The following MAF variants were observed in gnomAD, a reference collection of about 807,000 sequenced individuals.
MAF encodes the protein MAF bZIP transcription factor.
MAF carries 10 observed loss-of-function variants against 22.0 expected under a neutral mutation model. The ratio of observed to expected loss-of-function variants is 0.45; its 90% confidence interval spans 0.28 to 0.77. The LOEUF (loss-of-function observed/expected upper bound fraction) is 0.77. Among genes scored for constraint, MAF ranks in the 30% least tolerant of loss-of-function variants. MAF has a pLI of 0.12. For synonymous variants in MAF, 337 were observed against 255.8 expected, an observed-to-expected ratio of 1.32 and a Z score of -3.03; for missense variants, 544 against 548.4, an observed-to-expected ratio of 0.99 and a Z score of 0.08.
the MAF span, among the ~76,000 whole-genome samples, chr16:79,464,658 G>A: frequency 6.6e-6 from 1 of 152,160 alleles, no homozygotes; most frequent in Non-Finnish European, 1.5e-5. Context: ...CCTGGCAAAT[G>A]ACATAACTGA....
the MAF span, among the ~76,000 whole-genome samples, chr16:79,567,888 T>C: frequency 1.3e-5 from 2 of 152,246 alleles, no homozygotes; most frequent in Non-Finnish European, 2.9e-5. Context: ...AAGGTGAATT[T>C]TCTCCTGCGT....
the MAF span, among the ~76,000 whole-genome samples, chr16:79,414,030 C>T: frequency 6.6e-6 from 1 of 152,160 alleles, no homozygotes; most frequent in Non-Finnish European, 1.5e-5. Flanking sequence ...CAAATCCATC[C>T]TTCCTGTACC....
At chr16:79,423,191 G>C in the MAF span, among the ~76,000 whole-genome samples, 2 of 152,194 alleles carry the variant, frequency 1.3e-5, no homozygotes, top group South Asian at 2.1e-4. Flanking sequence ...TACCTATACC[G>C]CAAGAGTTAT....
the MAF span, among the ~76,000 whole-genome samples, chr16:79,565,861 G>C: frequency 6.6e-6 from 1 of 152,200 alleles, no homozygotes; most frequent in South Asian, 2.1e-4. Context: ...GAGGTAGGCA[G>C]TATTTTCTCC....
the MAF span, among the ~76,000 whole-genome samples, chr16:79,429,156 G>C: frequency 7.2e-5 from 11 of 152,264 alleles, no homozygotes; most frequent in Admixed American, 3.9e-4. Context: ...GCTACCTTGA[G>C]GACTGACTCA....
the MAF span, among the ~76,000 whole-genome samples, chr16:79,463,482 C>T: frequency 6.6e-6 from 1 of 152,160 alleles, no homozygotes; most frequent in Admixed American, 6.5e-5. Flanking sequence ...CTGTGGCAAA[C>T]CTGTGCTATA....
the MAF span, among the ~76,000 whole-genome samples, chr16:79,515,633 T>C: frequency 6.6e-6 from 1 of 152,202 alleles, no homozygotes; most frequent in Non-Finnish European, 1.5e-5. Context: ...TAGCCCCATC[T>C]TAAGTTGAGA....
At chr16:79,493,647 C>G in the MAF span, among the ~76,000 whole-genome samples, 1 of 152,214 alleles carries the variant, frequency 6.6e-6, no homozygotes, top group Non-Finnish European at 1.5e-5. Context: ...AATGAAAATC[C>G]ATTGACCTGT....
downstream of MAF, among the ~76,000 whole-genome samples, chr16:79,593,341 C>A (rs936074254): frequency 2.0e-5 from 3 of 152,198 alleles, no homozygotes; most frequent in South Asian, 6.2e-4. Flanking sequence ...GGGAATGCAG[C>A]TACCGAGACA....
chr16:79,557,581 T>A, the MAF span, among the ~76,000 whole-genome samples: 1 of 152,080 alleles, frequency 6.6e-6, no homozygotes, highest in Non-Finnish European at 1.5e-5. Context: ...CCCTAAAGAC[T>A]CAGCTTCCTC....
chr16:79,299,644 C>G, the MAF span, among the ~76,000 whole-genome samples: 3 of 152,236 alleles, frequency 2.0e-5, no homozygotes, highest in African/African-American at 7.2e-5. Flanking sequence ...CCTGGAGGGC[C>G]CCTGAGACCA....
chr16:79,287,527 G>T, the MAF span, among the ~76,000 whole-genome samples: 1 of 152,174 alleles, frequency 6.6e-6, no homozygotes, highest in African/African-American at 2.4e-5. Flanking sequence ...CCCAAACCCT[G>T]AGTCCTGCCA....
the MAF span, among the ~76,000 whole-genome samples, chr16:79,407,968 G>A: frequency 1.4e-4 from 20 of 147,770 alleles, no homozygotes; most frequent in African/African-American, 5.0e-4. Context: ...TCCTAAGAGA[G>A]GAAATTCCTT....
the MAF span, among the ~76,000 whole-genome samples, chr16:79,483,027 C>CCCCTCCTTCCCTTTGTCTCTCCTT: frequency 0.45 from 3,311 of 7,402 alleles, 1,262 homozygotes; most frequent in East Asian, 0.62. Flanking sequence ...TCTCTTCCCT[C>CCCCTCCTTCCCTTTGTCTCTCCTT]CCCTCCCTCC....
the MAF span, among the ~76,000 whole-genome samples, chr16:79,213,116 C>G: frequency 6.6e-6 from 1 of 152,188 alleles, no homozygotes; most frequent in East Asian, 1.9e-4. Context: ...ACCATGATTT[C>G]CAGCCCGTTC....
At chr16:79,474,239 T>C in the MAF span, among the ~76,000 whole-genome samples, 5 of 152,342 alleles carry the variant, frequency 3.3e-5, no homozygotes, top group East Asian at 9.6e-4. Flanking sequence ...AAAATGATCC[T>C]GCTGGAAACC....
chr16:79,413,555 T>C, the MAF span, among the ~76,000 whole-genome samples: 2 of 152,020 alleles, frequency 1.3e-5, no homozygotes, highest in Non-Finnish European at 2.9e-5. Flanking sequence ...TTTGATCCAG[T>C]TACTTTACCT....
the MAF span, among the ~76,000 whole-genome samples, chr16:79,480,681 C>T: frequency 6.6e-6 from 1 of 152,250 alleles, no homozygotes; most frequent in African/African-American, 2.4e-5. Flanking sequence ...AGGAACAGAG[C>T]TGGCATTGGA....
At chr16:79,292,259 G>T in the MAF span, among the ~76,000 whole-genome samples, 2 of 152,268 alleles carry the variant, frequency 1.3e-5, no homozygotes, top group East Asian at 3.9e-4. Context: ...ATTAGGGTGA[G>T]CCCTAAATCC....
Sources: allele counts gnomAD v4.1 joint callset (sites outside exome capture counted in the v4.1 genomes callset), GRCh38; gene constraint gnomAD v4.1.1; transcripts MANE v1.5; gene names NCBI Gene and HGNC (gene_info 2026-07-23, HGNC 2026-07-21).